HPSE2: variants seen among roughly 807,000 people sequenced by gnomAD.
HPSE2 encodes the protein heparanase 2 (inactive), also known as inactive heparanase-2.
In HPSE2, 38 loss-of-function variants were observed where a neutral mutation model predicts 60.5. That is an observed-to-expected ratio of 0.63 (90% CI 0.48 to 0.82). The LOEUF is 0.82. Ranked by LOEUF, HPSE2 falls within the 40% of genes least tolerant of loss-of-function variation. HPSE2 has a pLI of 0.00. For synonymous variants in HPSE2, 295 were observed against 293.2 expected (o/e 1.01, Z -0.06); for missense variants, 713 against 740.4 (o/e 0.96, Z 0.43).
the HPSE2 span, among the ~76,000 whole-genome samples, chr10:99,282,951 A>T: frequency 1.3e-5 from 2 of 152,102 alleles, no homozygotes; most frequent in African/African-American, 4.8e-5. Context: ...TTGGGAGGCC[A>T]AGGTGGGCAG....
intron 9 of HPSE2, among the ~76,000 whole-genome samples, chr10:98,552,293 G>GATCATCATCATC (rs6144046): frequency 6.6e-6 from 1 of 151,128 alleles, no homozygotes; most frequent in African/African-American, 2.4e-5. Context: ...GTGTAATGGA[G>GATCATCATCATC]ATCATCATCA....
chr10:98,588,904 A>G (rs996357062), intron 9 of HPSE2, among the ~76,000 whole-genome samples: 3 of 152,188 alleles, frequency 2.0e-5, no homozygotes, highest in Non-Finnish European at 2.9e-5. Context: ...AAAACTCGAC[A>G]AAACATGAAA....
rs568447363 is a variant in HPSE2 at position 99,120,716 on chromosome 10, C to T, written c.610+23522G>A. Among the ~76,000 whole-genome samples the T allele has an allele frequency of 4.6e-5, 7 of 152,292 alleles. No individual in the cohort carries two copies. In the South Asian group the frequency reaches 1.2e-3, roughly 27 times the overall value. ...CTCAATCTCTTGACCTCATGATCCA[C>T]CTGCCTCAGCCTCTCAAAGTTCTGG... is the stretch of plus-strand genomic sequence containing the variant. On this transcript the variant is annotated intron_variant, in intron 3 of 11. Coordinates refer to ENST00000370552, the MANE Select transcript of HPSE2 (RefSeq NM_021828.5).
intron 3 of HPSE2, among the ~76,000 whole-genome samples, chr10:99,063,916 A>G (rs1842530154): frequency 6.6e-6 from 1 of 152,144 alleles, no homozygotes; most frequent in Admixed American, 6.5e-5. Flanking sequence ...AACACGGTGA[A>G]ACCCCATCTC....
chr10:99,127,724 G>A (rs1322021297), intron 3 of HPSE2, among the ~76,000 whole-genome samples: 1 of 152,178 alleles, frequency 6.6e-6, no homozygotes, highest in East Asian at 1.9e-4. Context: ...ACACAGGAAA[G>A]AATCTTAAGA....
At chr10:98,460,898 C>A (rs1215273190) in intron 11 of HPSE2, among the ~76,000 whole-genome samples, 3 of 152,198 alleles carry the variant, frequency 2.0e-5, no homozygotes, top group Admixed American at 6.5e-5. Flanking sequence ...GACAGCCATG[C>A]ACCCAGGTGG....
rs181583527 is a variant in HPSE2 at position 98,577,338 on chromosome 10, G to A, written c.1320+37566C>T. Among the ~76,000 whole-genome samples the A allele has an allele frequency of 1.5e-4, 23 of 152,180 alleles. No individual in the cohort carries two copies. In the East Asian group the frequency reaches 4.2e-3, roughly 28 times the overall value. ...ATCCCACTTAAATAAACATCAGATT[G>A]CACAAATTTTCAATAGATAGTATCA... On this transcript the variant is annotated intron_variant, in intron 9 of 11. Transcript: ENST00000370552.
chr10:99,132,829 T>C (rs1447068639), intron 3 of HPSE2, among the ~76,000 whole-genome samples: 1 of 152,058 alleles, frequency 6.6e-6, no homozygotes, highest in Non-Finnish European at 1.5e-5. Flanking sequence ...GATAACGAAT[T>C]AGGTGCAGGA....
chr10:98,722,992 T>C (rs112189075), intron 4 of HPSE2, among the ~76,000 whole-genome samples: 28 of 152,274 alleles, frequency 1.8e-4, no homozygotes, highest in South Asian at 8.3e-4. Context: ...CCAGAACTTC[T>C]AACACTATGT....
At position 98,763,127 on chromosome 10, in the gene HPSE2, T is replaced by TA. The variant is rs1950043474; in HGVS notation, c.611-19072dup. 2.0e-5 allele frequency among the ~76,000 whole-genome samples: 3 copies of TA among 151,354 alleles called. No individual in the cohort carries two copies. In the South Asian group the frequency reaches 6.3e-4, roughly 32 times the overall value. Reference sequence around the variant, plus strand: ...AGAAAAAAATCAATAAACTTAAAGATAAAACAGGAGAAATATACAATTTAA... The same window carrying TA: ...AGAAAAAAATCAATAAACTTAAAGATAAAAACAGGAGAAATATACAATTTAA... On this transcript the variant is annotated intron_variant, in intron 3 of 11. Transcript: ENST00000370552.
At chr10:98,668,651 TG>T (rs1385986548) in intron 6 of HPSE2, among the ~76,000 whole-genome samples, 1 of 152,116 alleles carries the variant, frequency 6.6e-6, no homozygotes, top group Non-Finnish European at 1.5e-5. Context: ...AAATAAGCAA[TG>T]TAGAAACGAC....
chr10:99,083,567 C>T (rs1304374238), intron 3 of HPSE2, among the ~76,000 whole-genome samples: 1 of 152,132 alleles, frequency 6.6e-6, no homozygotes, highest in East Asian at 1.9e-4. Flanking sequence ...TTACAGTGGG[C>T]TTCTAAATAT....
intron 2 of HPSE2, among the ~76,000 whole-genome samples, chr10:99,155,655 A>G (rs1375126072): frequency 6.7e-6 from 1 of 149,202 alleles, no homozygotes; most frequent in Non-Finnish European, 1.5e-5. Context: ...AAAGCAGGAA[A>G]GATCCAAAAT....
the HPSE2 span, among the ~76,000 whole-genome samples, chr10:99,287,629 G>A: frequency 6.6e-6 from 1 of 152,148 alleles, no homozygotes; most frequent in Non-Finnish European, 1.5e-5. Context: ...GGAGATCTGA[G>A]CAGTACACCT....
intron 3 of HPSE2, among the ~76,000 whole-genome samples, chr10:98,875,870 T>C (rs959209147): frequency 6.6e-6 from 1 of 152,000 alleles, no homozygotes; most frequent in Non-Finnish European, 1.5e-5. Flanking sequence ...TTAAATAGTA[T>C]TGTTTTGTTT....
intron 2 of HPSE2, among the ~76,000 whole-genome samples, chr10:99,182,116 G>C (rs1355676882): frequency 5.3e-5 from 8 of 152,204 alleles, no homozygotes; most frequent in African/African-American, 1.7e-4. Context: ...AAGCCACCAA[G>C]TCTGTGGTAT....
chr10:98,579,849 C>T (rs1165621093), intron 9 of HPSE2, among the ~76,000 whole-genome samples: 1 of 152,130 alleles, frequency 6.6e-6, no homozygotes, highest in Non-Finnish European at 1.5e-5. Flanking sequence ...CAGTTTTTCC[C>T]CAAATCTCTA....
intron 3 of HPSE2, among the ~76,000 whole-genome samples, chr10:99,085,122 G>A (rs1372038989): frequency 6.6e-6 from 1 of 152,210 alleles, no homozygotes; most frequent in Non-Finnish European, 1.5e-5. Context: ...TGCATCTAGA[G>A]TGAGATGCTA....
chr10:98,976,606 A>C (rs1270696472), intron 3 of HPSE2, among the ~76,000 whole-genome samples: 1 of 152,036 alleles, frequency 6.6e-6, no homozygotes, highest in African/African-American at 2.4e-5. Flanking sequence ...TCTTAACCTG[A>C]GCTGTGTTTT....
Sources: allele counts gnomAD v4.1 joint callset (sites outside exome capture counted in the v4.1 genomes callset), GRCh38; gene constraint gnomAD v4.1.1; transcripts MANE v1.5; gene names NCBI Gene and HGNC (gene_info 2026-07-23, HGNC 2026-07-21).